Variants in CCDC7 observed in about 807,000 individuals in gnomAD.
The protein encoded by CCDC7 is coiled-coil domain-containing protein 7.
Under a neutral mutation model 196.9 loss-of-function variants are expected in CCDC7, and 183 were observed. The ratio of observed to expected loss-of-function variants is 0.93; its 90% CI spans 0.82 to 1.05. The LOEUF is 1.05. Among genes scored for constraint, CCDC7 ranks in the 50% least tolerant of loss-of-function variants. CCDC7 has a pLI of 0.00. For missense variants in CCDC7, 1,540 were observed against 1,482.2 expected (o/e 1.04, Z -0.64); for synonymous variants, 525 against 484.6 (o/e 1.08, Z -1.10).
chr10:32,671,559 TTA>T (rs1356738964), intron 21 of CCDC7, among the ~76,000 whole-genome samples: 2 of 152,208 alleles, frequency 1.3e-5, no homozygotes, highest in Non-Finnish European at 2.9e-5. Flanking sequence ...TTTGAATTTT[TTA>T]TGAGGCAGTT....
At chr10:32,726,393 A>G (rs1047147404) in intron 25 of CCDC7, among the ~76,000 whole-genome samples, 9 of 151,968 alleles carry the variant, frequency 5.9e-5, no homozygotes, top group African/African-American at 2.2e-4. Context: ...TATGAATAAT[A>G]TGGTAATGAA....
rs1400286040 is a variant in CCDC7 at position 32,511,254 on chromosome 10, T to G, written c.873-6691T>G. 1.3e-5 allele frequency: 8 copies of G among 594,034 alleles called. No individual in the cohort carries two copies. In the African/African-American group the frequency reaches 1.6e-4, roughly 12 times the overall value. 36.8% of individuals were successfully genotyped at this position (594,034 alleles called of 1,614,324 possible). A position where few individuals can be genotyped will look rare whatever the true frequency, so the allele number is the denominator to read the frequency against. On this transcript the variant is annotated intron_variant, in intron 9 of 41. Coordinates refer to ENST00000639629, the Ensembl canonical transcript of CCDC7. Reference sequence around the variant, plus strand: ...CTTGTCCTGCCACAGAATTATTCTGTGGGGGGCGGGGGGGGCGGGGAAATG... The same window carrying G: ...CTTGTCCTGCCACAGAATTATTCTGGGGGGGGCGGGGGGGGCGGGGAAATG...
chr10:32,704,560 G>C (rs945948920), intron 24 of CCDC7, among the ~76,000 whole-genome samples: 1 of 152,124 alleles, frequency 6.6e-6, no homozygotes, highest in Admixed American at 6.5e-5. Flanking sequence ...ATTTAAGTCT[G>C]CAGAGGTTTC....
At chr10:32,651,070 G>A (rs1181865652) in intron 20 of CCDC7, among the ~76,000 whole-genome samples, 1 of 152,122 alleles carries the variant, frequency 6.6e-6, no homozygotes, top group Non-Finnish European at 1.5e-5. Flanking sequence ...GCTTTGCTGG[G>A]ACTGACCTGC....
At chr10:32,541,400 G>T (rs866018453) in intron 11 of CCDC7, among the ~76,000 whole-genome samples, 2 of 152,124 alleles carry the variant, frequency 1.3e-5, no homozygotes, top group African/African-American at 2.4e-5. Context: ...GGGGTCACCT[G>T]CTCAGCTCTC....
At chr10:32,825,337 G>A (rs534948165) in intron 32 of CCDC7, among the ~76,000 whole-genome samples, 1 of 152,284 alleles carries the variant, frequency 6.6e-6, no homozygotes, top group South Asian at 2.1e-4. Context: ...GCTGGGAAAG[G>A]CAGACACATC....
intron 28 of CCDC7, 21 bp from the exon 30 acceptor site, chr10:32,778,956 G>A (rs2080583818): frequency 6.6e-7 from 1 of 1,520,734 alleles, no homozygotes; most frequent in Middle Eastern, 1.7e-4. Flanking sequence ...CAACTACTTT[G>A]ACAATCTGTT....
intron 20 of CCDC7, among the ~76,000 whole-genome samples, chr10:32,639,143 C>T (rs2066234701): frequency 6.6e-6 from 1 of 152,120 alleles, no homozygotes; most frequent in East Asian, 1.9e-4. Flanking sequence ...TAGTCTTGCT[C>T]TAGCGGTCTA....
At chr10:32,655,361 T>A (rs1015101029) in intron 20 of CCDC7, among the ~76,000 whole-genome samples, 1 of 152,032 alleles carries the variant, frequency 6.6e-6, no homozygotes, top group African/African-American at 2.4e-5. Flanking sequence ...TATACAAGGG[T>A]TTTCTTTCTC....
At chr10:32,870,553 T>C (rs953151418) in intron 41 of CCDC7, among the ~76,000 whole-genome samples, 1 of 152,178 alleles carries the variant, frequency 6.6e-6, no homozygotes, top group African/African-American at 2.4e-5. Context: ...CACGGACAAT[T>C]TGACTTCCTC....
At chr10:32,759,530 T>C (rs10763894) in intron 28 of CCDC7, among the ~76,000 whole-genome samples, 38,214 of 151,968 alleles carry the variant, frequency 0.25, 5,359 homozygotes, top group South Asian at 0.43. Context: ...CTGGGAAAAC[T>C]GGCTAGCCAT....
intron 18 of CCDC7, among the ~76,000 whole-genome samples, chr10:32,589,749 T>C (rs2059610423): frequency 6.6e-6 from 1 of 152,192 alleles, no homozygotes; most frequent in Admixed American, 6.5e-5. Flanking sequence ...GGTGCATATA[T>C]ATTTACAATT....
intron 15 of CCDC7, among the ~76,000 whole-genome samples, chr10:32,568,736 G>A (rs532333475): frequency 2.0e-5 from 3 of 152,232 alleles, no homozygotes; most frequent in Non-Finnish European, 2.9e-5. Flanking sequence ...TTATATCTGT[G>A]TATACGGGCT....
chr10:32,705,097 G>A (rs973089253), intron 24 of CCDC7, among the ~76,000 whole-genome samples: 3 of 152,098 alleles, frequency 2.0e-5, no homozygotes, highest in Admixed American at 2.0e-4. Context: ...TTCGTGTTCT[G>A]CATTGCTCAT....
chr10:32,745,765 C>G (rs1321797192), intron 28 of CCDC7, among the ~76,000 whole-genome samples: 1 of 152,106 alleles, frequency 6.6e-6, no homozygotes, highest in Non-Finnish European at 1.5e-5. Context: ...AAATAACTTG[C>G]TGGGGTTTTG....
At chr10:32,668,885 G>A (rs941470345) in intron 21 of CCDC7, among the ~76,000 whole-genome samples, 5 of 152,048 alleles carry the variant, frequency 3.3e-5, no homozygotes, top group African/African-American at 1.2e-4. Flanking sequence ...AATGCCTTCT[G>A]TTTCTTTTTC....
intron 30 of CCDC7, among the ~76,000 whole-genome samples, chr10:32,809,597 C>T (rs1157063682): frequency 1.3e-5 from 2 of 152,144 alleles, no homozygotes; most frequent in African/African-American, 2.4e-5. Flanking sequence ...TAAAAGAAGA[C>T]ATTTATGCAG....
intron 29 of CCDC7, among the ~76,000 whole-genome samples, chr10:32,785,245 C>G (rs1028847997): frequency 6.6e-6 from 1 of 152,158 alleles, no homozygotes; most frequent in Admixed American, 6.5e-5. Flanking sequence ...TTAGGCCACA[C>G]ATTAAGTTTC....
intron 29 of CCDC7, 132 bp downstream of exon 30, chr10:32,779,216 C>T: frequency 1.6e-6 from 1 of 626,906 alleles, no homozygotes. Context: ...TCATTCTACT[C>T]AATCAATCTA....
Sources: allele counts gnomAD v4.1 joint callset (sites outside exome capture counted in the v4.1 genomes callset), GRCh38; gene constraint gnomAD v4.1.1; transcripts MANE v1.5; gene names NCBI Gene and HGNC (gene_info 2026-07-23, HGNC 2026-07-21).